ADGRA2: variants seen among roughly 807,000 people sequenced by gnomAD.
The protein encoded by ADGRA2 is adhesion G protein-coupled receptor A2, also known as G-protein coupled receptor 124.
A neutral mutation model predicts 98.7 loss-of-function variants in ADGRA2; 61 were observed. The ratio of observed to expected loss-of-function variants is 0.62; its 90% CI spans 0.50 to 0.76. ADGRA2 has a LOEUF of 0.76. ADGRA2 is among the 30% of genes least tolerant of loss of function. The probability of loss-of-function intolerance (pLI) is 0.00; values close to 1 mark genes in which losing one functional copy is unlikely to be tolerated. For synonymous variants in ADGRA2, 858 were observed against 831.5 expected (o/e 1.03, Z -0.55); for missense variants, 1,712 against 1,860.0 (o/e 0.92, Z 1.46).
chr8:37,802,286 G>C lies in ADGRA2; in HGVS notation c.266+4752G>C, dbSNP rs2129894828. ...CGTCGTGCACATGGCCCGAGGGCAG[G>C]ACAAGGATGCTGGTGGAGGGGCGGG... On this transcript the variant is annotated intron_variant, in intron 1 of 18. Coordinates refer to ENST00000412232, the MANE Select transcript of ADGRA2 (RefSeq NM_032777.10). This position sits in a 1 kb window ranked among gnomAD's most constrained non-coding sequence, Gnocchi z 4.7. 6.6e-6 allele frequency among the ~76,000 whole-genome samples: 1 copy of C among 152,256 alleles called. No individual in the cohort carries two copies. Among genetic ancestry groups the C allele is most frequent in the South Asian group, 2.1e-4 (1 of 4,822 alleles).
intron 14 of ADGRA2, 26 bp downstream of exon 14, chr8:37,837,965 CGGG>C (rs773012623): frequency 1.6e-6 from 2 of 1,277,000 alleles, no homozygotes; most frequent in Admixed American, 3.2e-5. Flanking sequence ...GGTGACAAGT[CGGG>C]GGGGCAGGGA....
rs1349002606 is a variant in ADGRA2, at chr8:37,842,895, G to C, written c.*540G>C. The C allele has an allele frequency of 6.5e-6, 1 of 153,016 alleles. No homozygotes were observed. The highest frequency in any genetic ancestry group is 2.4e-5 in the African/African-American group (1 of 41,470). The allele number at this position is 153,016 out of a possible 1,614,324, so 9.5% of individuals were successfully genotyped here. On this transcript the variant is annotated 3_prime_UTR_variant, in exon 19 of 19. Transcript: ENST00000412232. ...TTAAGTCACAAGGTGCTGCTTTTCAGATCCACTATGCAAGAGGGGAGGGTG... is the reference window on the plus strand; with the variant it reads ...TTAAGTCACAAGGTGCTGCTTTTCACATCCACTATGCAAGAGGGGAGGGTG...
chr8:37,821,883 C>T (rs537916929), intron 2 of ADGRA2, among the ~76,000 whole-genome samples: 56 of 152,278 alleles, frequency 3.7e-4, no homozygotes, highest in African/African-American at 1.2e-3. Flanking sequence ...GCTTGCCCAA[C>T]GCCAGGTGGC....
Position 37,814,933 on chromosome 8 carries a change from G to A in ADGRA2, c.304G>A (p.Gly102Ser), listed in dbSNP as rs1487221783. The change falls in exon 2 of 19, where the codon GGC becomes AGC. Residue 102 changes from glycine to serine, a missense_variant. Physicochemically the swap from Gly to Ser is moderately conservative, Grantham distance 56 (BLOSUM62 0). Coordinates refer to ENST00000412232, the MANE Select transcript of ADGRA2 (RefSeq NM_032777.10). This position sits in a 1 kb window ranked among gnomAD's most constrained non-coding sequence, Gnocchi z 4.3. ...SNNKITGLRN[G>S]SFLGLSLLEK... ...TAACAAGATCACGGGGCTCCGCAAT[G>A]GCTCCTTCCTGGGACTGTCACTGCT... 1.2e-6 allele frequency: 2 copies of A among 1,613,238 alleles called. No individual in the cohort carries two copies. Among genetic ancestry groups the A allele is most frequent in the Non-Finnish European group, 1.7e-6 (2 of 1,179,262 alleles).
rs569678017 is a variant in ADGRA2, at chr8:37,806,384, A to T, written c.267-8512A>T. ...CTTGTGCTCAAGCCAGGATGCTGTG[A>T]CCCCCAAATCCCCATCAAGGTATAC... is the stretch of plus-strand genomic sequence containing the variant. On this transcript the variant is annotated intron_variant, in intron 1 of 18. Transcript: ENST00000412232. 4.0e-5 allele frequency among the ~76,000 whole-genome samples: 6 copies of T among 151,768 alleles called. No homozygotes were observed. The East Asian group carries it at 1.2e-3, about 29-fold the overall frequency.
chr8:37,835,293 T>G lies in ADGRA2; in HGVS notation c.1728T>G (p.Pro576=). ...GGVPGTRPGS[P]GQNPPPEPEP... The stretch of plus-strand genomic sequence containing the variant: ...TGCCGGGCACACGGCCAGGAAGCCC[T>G]GGCCAGAACCCCCCACCTGAGCCCG... The change falls in exon 12 of 19, where the codon CCT becomes CCG. Residue 576 remains proline, a synonymous_variant. Coordinates refer to ENST00000412232, the MANE Select transcript of ADGRA2 (RefSeq NM_032777.10). The G allele has an allele frequency of 2.5e-6, 4 of 1,613,718 alleles. No individual in the cohort carries two copies. Among genetic ancestry groups the G allele is most frequent in the South Asian group, 1.1e-5 (1 of 91,068 alleles).
intron 1 of ADGRA2, among the ~76,000 whole-genome samples, chr8:37,798,548 C>T (rs918733444): frequency 1.3e-5 from 2 of 152,228 alleles, no homozygotes; most frequent in Non-Finnish European, 2.9e-5. Flanking sequence ...TCCACGCACG[C>T]CGTGGATTTG....
chr8:37,813,288 C>T (rs1011235621), intron 1 of ADGRA2, among the ~76,000 whole-genome samples: 90 of 152,224 alleles, frequency 5.9e-4, no homozygotes, highest in Admixed American at 1.8e-3. Flanking sequence ...CCACCCCAGG[C>T]CCACCAGGGC....
Position 37,797,161 on chromosome 8 carries a change from CT to C in ADGRA2, c.-107del, listed in dbSNP as rs1563334345. The C allele has an allele frequency of 1.1e-6, 1 of 903,710 alleles. No individual in the cohort carries two copies. Among genetic ancestry groups the C allele is most frequent in the East Asian group, 4.2e-5 (1 of 23,810 alleles). 56.0% of individuals were successfully genotyped at this position (903,710 alleles called of 1,614,324 possible). A position where few individuals can be genotyped will look rare whatever the true frequency, so the allele number is the denominator to read the frequency against. ...TCCGCCCAGGGCCCCCCTCCACGCC[CT>C]CGGGAGCCCCGGGCCCCCGCTGAGC... On this transcript the variant is annotated 5_prime_UTR_variant, in exon 1 of 19. It removes the in-frame stop codon of an upstream open reading frame in the 5' UTR. Transcript: ENST00000412232. This position sits in a 1 kb window ranked among gnomAD's most constrained non-coding sequence, Gnocchi z 5.3.
chr8:37,839,413 C>T (rs781427371), intron 15 of ADGRA2, 86 bp from the exon 16 acceptor site: 15 of 1,566,376 alleles, frequency 9.6e-6, no homozygotes, highest in Admixed American at 1.8e-5. Context: ...ATGTGCCTGC[C>T]CCCCGTGGCT....
chr8:37,826,743 G>A (rs1333205876), intron 2 of ADGRA2, among the ~76,000 whole-genome samples: 4 of 152,156 alleles, frequency 2.6e-5, no homozygotes, highest in East Asian at 1.9e-4. Flanking sequence ...GCGGGCAGCC[G>A]GCTTGGTTAA....
intron 2 of ADGRA2, among the ~76,000 whole-genome samples, chr8:37,818,617 A>T (rs539010610): frequency 6.6e-6 from 1 of 152,320 alleles, no homozygotes; most frequent in East Asian, 1.9e-4. Flanking sequence ...CCATCCATTC[A>T]TTCTGTAGGT....
At chr8:37,840,892 C>G (rs1404452106) in intron 18 of ADGRA2, 43 bp downstream of exon 18, 1 of 875,084 alleles carries the variant, frequency 1.1e-6, no homozygotes, top group African/African-American at 1.8e-5. Flanking sequence ...CTACCTAACA[C>G]CAGATGCCTT....
intron 1 of ADGRA2, among the ~76,000 whole-genome samples, chr8:37,807,418 G>A (rs764092656): frequency 3.3e-5 from 5 of 152,154 alleles, no homozygotes; most frequent in Non-Finnish European, 5.9e-5. Context: ...ACCCACATCC[G>A]TCATCGAACA....
At chr8:37,820,410 A>T (rs574896937) in intron 2 of ADGRA2, among the ~76,000 whole-genome samples, 7 of 152,256 alleles carry the variant, frequency 4.6e-5, no homozygotes, top group African/African-American at 9.6e-5. Context: ...GGGCCTGGGA[A>T]TTTTTTACAT....
chr8:37,844,044 T>A lies in ADGRA2; in HGVS notation c.*1689T>A, dbSNP rs1805898804. The A allele has an allele frequency of 5.5e-6, 1 of 181,598 alleles. No homozygotes were observed. Among genetic ancestry groups the A allele is most frequent in the African/African-American group, 2.3e-5 (1 of 42,824 alleles). The allele number at this position is 181,598 out of a possible 1,614,324, so 11.2% of individuals were successfully genotyped here. ...TCATGACACCATACACACAAACCCA[T>A]CATTGCCTGTGAATGCACGTAGGGC... On this transcript the variant is annotated 3_prime_UTR_variant, in exon 19 of 19. Coordinates refer to ENST00000412232, the MANE Select transcript of ADGRA2 (RefSeq NM_032777.10).
rs1274294333 is a variant in ADGRA2 at position 37,844,568 on chromosome 8, A to G, written c.*2213A>G. The G allele has an allele frequency of 6.2e-7, 1 of 1,614,106 alleles. No homozygotes were observed. Among genetic ancestry groups the G allele is most frequent in the Admixed American group, 1.7e-5 (1 of 60,026 alleles). ...GAAAGTCCCTAACTTCCTGAGGGGT[A>G]CGCAAATACTGTTCTATTTCACTAT... On this transcript the variant is annotated 3_prime_UTR_variant, in exon 19 of 19. Transcript: ENST00000412232.
At chr8:37,838,080 G>A in intron 14 of ADGRA2, 141 bp downstream of exon 14, 1 of 731,468 alleles carries the variant, frequency 1.4e-6, no homozygotes, top group Non-Finnish European at 2.1e-6. Flanking sequence ...ATGAGTGGTG[G>A]GATGTGGGGA....
chr8:37,815,191 C>A (rs1359483040), intron 2 of ADGRA2, among the ~76,000 whole-genome samples: 4 of 152,172 alleles, frequency 2.6e-5, no homozygotes, highest in Non-Finnish European at 4.4e-5. Context: ...CCAGCCACGG[C>A]GAGAGAAGTG....
Sources: allele counts gnomAD v4.1 joint callset (sites outside exome capture counted in the v4.1 genomes callset), GRCh38; gene constraint gnomAD v4.1.1; non-coding constraint Gnocchi (gnomAD v3.1); transcripts MANE v1.5; gene names NCBI Gene and HGNC (gene_info 2026-07-23, HGNC 2026-07-21).